Variants in OPA1 observed in about 807,000 individuals in gnomAD.
The protein encoded by OPA1 is dynamin-like GTPase OPA1, mitochondrial.
A neutral mutation model predicts 152.9 loss-of-function variants in OPA1; 59 were observed. That is an observed-to-expected ratio of 0.39 (90% CI 0.31 to 0.48). OPA1 has a LOEUF of 0.48. OPA1 is among the 20% of genes least tolerant of loss of function. OPA1 has a pLI of 0.96. For missense variants in OPA1, 1,008 were observed against 1,216.8 expected (o/e 0.83, Z 2.55); for synonymous variants, 400 against 389.9 (o/e 1.03, Z -0.31).
chr3:193,653,913 G>A lies in OPA1; in HGVS notation c.2013-949G>A, dbSNP rs114960514. Among the ~76,000 whole-genome samples, 836 of 152,194 alleles carry A rather than the reference G, an allele frequency of 5.5e-3. 10 individuals carry two copies. Among genetic ancestry groups the A allele is most frequent in the African/African-American group, 0.019 (782 of 41,538 alleles). The stretch of plus-strand genomic sequence containing the variant: ...TAAATGACAGACTATACCAAGTGTT[G>A]GCAAGGATGTAGAGGATCTAGAACT... On this transcript the variant is annotated intron_variant, in intron 21 of 30. Coordinates refer to ENST00000361510, the MANE Select transcript of OPA1 (RefSeq NM_130837.3).
chr3:193,643,906 T>A lies in OPA1; in HGVS notation c.1478-69T>A, dbSNP rs984687324. The A allele has an allele frequency of 7.3e-6, 11 of 1,513,812 alleles. No individual in the cohort carries two copies. In the African/African-American group the frequency reaches 1.5e-4, roughly 21 times the overall value. 93.8% of individuals were successfully genotyped at this position (1,513,812 alleles called of 1,614,324 possible). On this transcript the variant is annotated intron_variant, in intron 15 of 30. Transcript: ENST00000361510. Reference sequence around the variant, plus strand: ...TATAATGTAGACACAGGGGTATAATTTGTACTGAGTTTTAAAAGTCTACTT... The same window carrying A: ...TATAATGTAGACACAGGGGTATAATATGTACTGAGTTTTAAAAGTCTACTT...
At chr3:193,637,317 CA>C in intron 10 of OPA1, 36 bp downstream of exon 10, 6 of 1,322,182 alleles carry the variant, frequency 4.5e-6, no homozygotes, top group East Asian at 2.3e-5. Flanking sequence ...TGCCAATTAG[CA>C]AAAAAAGAAG....
chr3:193,637,152 T>A (rs1470443531), intron 9 of OPA1, 43 bp from the exon 10 acceptor site: 1 of 1,096,414 alleles, frequency 9.1e-7, no homozygotes. Flanking sequence ...TTTTTTTCTT[T>A]ACTTTTACTG....
chr3:193,654,874 TCAA>T lies in OPA1; in HGVS notation c.2029_2031del (p.Gln677del). 6.2e-7 allele frequency: 1 copy of T among 1,613,856 alleles called. No homozygotes were observed. Among genetic ancestry groups the T allele is most frequent in the Admixed American group, 1.7e-5 (1 of 60,016 alleles). On this transcript the variant is annotated inframe_deletion, in exon 22 of 31. Coordinates refer to ENST00000361510, the MANE Select transcript of OPA1 (RefSeq NM_130837.3). ...TTTTTTATTTCAGGGAGGAAATCCT[TCAA>T]CAATCTTTGTGGGAAAGAGTATCAA... is the stretch of plus-strand genomic sequence containing the variant.
intron 5 of OPA1, 97 bp downstream of exon 5, chr3:193,617,934 G>A: frequency 1.2e-6 from 1 of 812,432 alleles, no homozygotes; most frequent in South Asian, 1.4e-5. Flanking sequence ...TTATAATGCT[G>A]CTTATGCTGA....
At chr3:193,618,500 AAG>A (rs1577167479) in intron 5 of OPA1, 1 of 206,318 alleles carries the variant, frequency 4.8e-6, no homozygotes, top group East Asian at 1.4e-4. Context: ...AAAAAAAGAA[AAG>A]AAAAAAAAAT....
At chr3:193,683,784 A>G (rs1019552005) in intron 29 of OPA1, among the ~76,000 whole-genome samples, 2 of 152,236 alleles carry the variant, frequency 1.3e-5, no homozygotes, top group Non-Finnish European at 2.9e-5. Flanking sequence ...CTTTTTAGAC[A>G]TAATGCTATT....
Position 193,664,932 on chromosome 3 carries a change from TA to T in OPA1, c.2717del (p.Asn906ThrfsTer18). The T allele has an allele frequency of 6.2e-7, 1 of 1,609,402 alleles. No homozygotes were observed. The highest frequency in any genetic ancestry group is 8.5e-7 in the Non-Finnish European group (1 of 1,176,222). ...VYRRHFLKTA[L>X]NHCNLCRRGF... ...AGAAGACATTTTTTAAAAACAGCTC[TA>T]AACCATTGTAACCTTTGTCGAAGAG... On this transcript the variant is annotated frameshift_variant, in exon 27 of 31. Coordinates refer to ENST00000361510, the MANE Select transcript of OPA1 (RefSeq NM_130837.3). LOFTEE classifies it high-confidence loss of function.
chr3:193,638,754 G>A (rs1332337795), intron 11 of OPA1, among the ~76,000 whole-genome samples: 2 of 152,120 alleles, frequency 1.3e-5, no homozygotes, highest in Non-Finnish European at 2.9e-5. Context: ...GACATTTTCA[G>A]CTATTGAAAA....
At position 193,680,233 on chromosome 3, in the gene OPA1, A is replaced by T. The variant is rs948473578; in HGVS notation, c.2984-11830A>T. 4.6e-5 allele frequency among the ~76,000 whole-genome samples: 7 copies of T among 152,316 alleles called. No homozygotes were observed. The East Asian group carries it at 1.2e-3, about 25-fold the overall frequency. On this transcript the variant is annotated intron_variant, in intron 29 of 30. Coordinates refer to ENST00000361510, the MANE Select transcript of OPA1 (RefSeq NM_130837.3). The stretch of plus-strand genomic sequence containing the variant: ...ATCTTTTACTTTTAAAATTACAGTG[A>T]TGAACTGACTGTTTAAGAATCATTC...
intron 16 of OPA1, among the ~76,000 whole-genome samples, chr3:193,645,182 G>A (rs998293002): frequency 6.6e-6 from 1 of 152,056 alleles, no homozygotes; most frequent in Admixed American, 6.6e-5. Flanking sequence ...TTTATTGAGT[G>A]CTTCATGCCT....
At chr3:193,689,250 A>C (rs946812384) in intron 29 of OPA1, 2 of 152,222 alleles carry the variant, frequency 1.3e-5, no homozygotes, top group Non-Finnish European at 2.9e-5. Context: ...AATGTTTTTT[A>C]GTTAATGTTT....
chr3:193,675,433 A>G (rs1718791042), intron 29 of OPA1, among the ~76,000 whole-genome samples: 1 of 151,730 alleles, frequency 6.6e-6, no homozygotes, highest in Non-Finnish European at 1.5e-5. Context: ...TTCATATCTC[A>G]GTACTGTTGC....
intron 5 of OPA1, among the ~76,000 whole-genome samples, chr3:193,618,174 G>A (rs1426763606): frequency 2.0e-5 from 3 of 152,104 alleles, no homozygotes; most frequent in African/African-American, 4.8e-5. Flanking sequence ...CCCTGTCATG[G>A]TTGACATTTA....
chr3:193,662,769 A>G, intron 25 of OPA1, 53 bp from the exon 26 acceptor site: 3 of 1,510,814 alleles, frequency 2.0e-6, no homozygotes, highest in Non-Finnish European at 2.7e-6. Flanking sequence ...ACTGTTTTTC[A>G]AGCACCAAAT....
intron 6 of OPA1, chr3:193,624,157 C>G (rs555783777): frequency 1.3e-5 from 2 of 152,158 alleles, no homozygotes; most frequent in Non-Finnish European, 2.9e-5. Context: ...GCATTGTGTG[C>G]CTTATAGACG....
chr3:193,676,782 C>A (rs145745242), intron 29 of OPA1, among the ~76,000 whole-genome samples: 3 of 151,958 alleles, frequency 2.0e-5, no homozygotes, highest in African/African-American at 4.8e-5. Flanking sequence ...AGATCCAGAC[C>A]ATCCTGGCTA....
chr3:193,612,389 C>G (rs1171329140), intron 1 of OPA1, among the ~76,000 whole-genome samples: 1 of 149,598 alleles, frequency 6.7e-6, no homozygotes, highest in African/African-American at 2.5e-5. Flanking sequence ...CGAGTTAGAT[C>G]AGTCAAAGTA....
At position 193,652,652 on chromosome 3, in the gene OPA1, A is replaced by C. The variant is rs117562516; in HGVS notation, c.2013-2210A>C. Among the ~76,000 whole-genome samples, 428 of 152,276 alleles carry C rather than the reference A, an allele frequency of 2.8e-3. 3 individuals are homozygous for C. The highest frequency in any genetic ancestry group is 0.017 in the South Asian group (83 of 4,820). ...GGACAGAGGACAATCACTTTCCTTA[A>C]GGAAAGGTTTGGAGGTAAGAATAGG... On this transcript the variant is annotated intron_variant, in intron 21 of 30. Coordinates refer to ENST00000361510, the MANE Select transcript of OPA1 (RefSeq NM_130837.3).
Sources: gnomAD v4.1 joint callset for allele counts (sites outside exome capture counted in the v4.1 genomes callset) on GRCh38, gnomAD v4.1.1 for gene constraint, MANE v1.5 for transcripts, NCBI Gene and HGNC (gene_info 2026-07-23, HGNC 2026-07-21) for gene names.